The following ATP8A2 variants were observed in gnomAD, a reference collection of about 807,000 sequenced individuals.
The protein encoded by ATP8A2 is phospholipid-transporting ATPase IB.
A neutral mutation model predicts 165.6 loss-of-function variants in ATP8A2; 100 were observed. The ratio of observed to expected loss-of-function variants is 0.60; its 90% CI spans 0.51 to 0.71. The LOEUF (loss-of-function observed/expected upper bound fraction) is 0.71, where lower values mean the gene tolerates loss of function less well. Ranked by LOEUF, ATP8A2 falls within the 30% of genes least tolerant of loss-of-function variation. The pLI is 0.00. For missense variants in ATP8A2, 1,227 were observed against 1,479.5 expected (o/e 0.83, Z 2.80); for synonymous variants, 543 against 548.8 (o/e 0.99, Z 0.15).
intron 16 of ATP8A2, among the ~76,000 whole-genome samples, chr13:25,565,056 C>T (rs750941450): frequency 6.6e-6 from 1 of 152,088 alleles, no homozygotes; most frequent in South Asian, 2.1e-4. Context: ...ATTTTTATGG[C>T]CACGTGGTAT....
chr13:25,944,221 G>A (rs306400), intron 33 of ATP8A2, among the ~76,000 whole-genome samples: 3,663 of 152,260 alleles, frequency 0.024, 148 homozygotes, highest in African/African-American at 0.084. Flanking sequence ...ATATAGGCCT[G>A]TAAGAGCTGG....
chr13:25,448,969 A>C (rs910804650), intron 1 of ATP8A2, among the ~76,000 whole-genome samples: 1 of 152,132 alleles, frequency 6.6e-6, no homozygotes, highest in Non-Finnish European at 1.5e-5. Context: ...CCAGCCAATA[A>C]AGTTCTTAAA....
rs144120540 is a variant in ATP8A2 at position 25,832,032 on chromosome 13, C to T, written c.2754+3840C>T. Among the ~76,000 whole-genome samples the T allele has an allele frequency of 1.5e-3, 221 of 151,676 alleles. 1 individual carries two copies. The highest frequency in any genetic ancestry group is 4.7e-3 in the African/African-American group (193 of 41,416). The stretch of plus-strand genomic sequence containing the variant: ...TTGGCTCACTGCAACCTCTGCCTCC[C>T]GGGTTCAAGCAATTCTCCTGCCTCA... On this transcript the variant is annotated intron_variant, in intron 28 of 36. Coordinates refer to ENST00000381655, the MANE Select transcript of ATP8A2 (RefSeq NM_016529.6).
chr13:25,668,690 G>C (rs1002649318), intron 24 of ATP8A2, among the ~76,000 whole-genome samples: 4 of 152,172 alleles, frequency 2.6e-5, no homozygotes, highest in Admixed American at 2.6e-4. Flanking sequence ...GTATACCACA[G>C]GTCTCTAAGG....
At chr13:25,648,626 T>C (rs2137614735) in intron 24 of ATP8A2, among the ~76,000 whole-genome samples, 1 of 152,274 alleles carries the variant, frequency 6.6e-6, no homozygotes, top group East Asian at 1.9e-4. Context: ...ATCACGTCAC[T>C]GCACTCCAGC....
intron 6 of ATP8A2, among the ~76,000 whole-genome samples, chr13:25,535,654 A>C (rs2038254315): frequency 6.6e-6 from 1 of 152,052 alleles, no homozygotes; most frequent in Admixed American, 6.5e-5. Flanking sequence ...TCTCTACAAA[A>C]AAATACAGAA....
rs565108050 is a variant in ATP8A2, at chr13:25,587,216, T to C, written c.2147-2419T>C. 3.9e-4 allele frequency among the ~76,000 whole-genome samples: 60 copies of C among 152,330 alleles called. 1 individual carries two copies. The South Asian group carries it at 0.012, about 30-fold the overall frequency. On this transcript the variant is annotated intron_variant, in intron 23 of 36. Transcript: ENST00000381655. ...TGGATTGACACAATAAATAATTTGCTACATTAGTTAAGCCACAATTAACTG... is the reference window on the plus strand; with the variant it reads ...TGGATTGACACAATAAATAATTTGCCACATTAGTTAAGCCACAATTAACTG...
chr13:25,576,960 G>C (rs2039634486), intron 19 of ATP8A2, 109 bp from the exon 20 acceptor site: 1 of 799,670 alleles, frequency 1.3e-6, no homozygotes, highest in Admixed American at 2.0e-5. Context: ...GATAGACCTT[G>C]TTCATTTTTA....
At chr13:25,455,798 C>T (rs926439784) in intron 1 of ATP8A2, among the ~76,000 whole-genome samples, 2 of 152,210 alleles carry the variant, frequency 1.3e-5, no homozygotes, top group African/African-American at 4.8e-5. Context: ...GTGGCAACAC[C>T]TTACCTGATT....
rs1471640531 is a variant in ATP8A2 at position 25,839,629 on chromosome 13, G to T, written c.2956+5G>T. On this transcript the variant is annotated splice_donor_5th_base_variant and intron_variant, in intron 30 of 36. Transcript: ENST00000381655. ...CCATGAAAGCTCTGGAGCATGGTAA[G>T]GGCTGTGTGATTTCACCTGTCAGCA... The T allele has an allele frequency of 6.2e-7, 1 of 1,612,746 alleles. No individual in the cohort carries two copies. Among genetic ancestry groups the T allele is most frequent in the East Asian group, 2.2e-5 (1 of 44,866 alleles).
intron 33 of ATP8A2, among the ~76,000 whole-genome samples, chr13:25,890,146 C>T (rs1486324562): frequency 6.6e-6 from 1 of 151,780 alleles, no homozygotes; most frequent in Admixed American, 6.6e-5. Context: ...TGGGTGACGG[C>T]GCGAGACTCT....
At chr13:25,563,390 C>G (rs904844273) in intron 15 of ATP8A2, among the ~76,000 whole-genome samples, 1 of 139,202 alleles carries the variant, frequency 7.2e-6, no homozygotes, top group Non-Finnish European at 1.5e-5. Flanking sequence ...GCCTGGGCAA[C>G]AAGGGTGAAA....
intron 28 of ATP8A2, among the ~76,000 whole-genome samples, chr13:25,832,967 AC>A (rs1951516248): frequency 1.3e-5 from 2 of 152,116 alleles, no homozygotes; most frequent in African/African-American, 4.8e-5. Context: ...AAAAGAAAAA[AC>A]AGTAGATAAA....
chr13:25,784,304 G>A (rs901745783), intron 27 of ATP8A2, among the ~76,000 whole-genome samples: 2 of 152,134 alleles, frequency 1.3e-5, no homozygotes, highest in Admixed American at 6.5e-5. Context: ...ACTTTGAGAG[G>A]TCAGCCCTGT....
At chr13:25,791,635 C>T (rs565624761) in intron 27 of ATP8A2, among the ~76,000 whole-genome samples, 6 of 151,800 alleles carry the variant, frequency 4.0e-5, no homozygotes, top group Non-Finnish European at 5.9e-5. Flanking sequence ...GGACTCCATG[C>T]GAAAGTGGTT....
At chr13:25,884,110 C>T (rs746621693) in intron 33 of ATP8A2, among the ~76,000 whole-genome samples, 26 of 152,150 alleles carry the variant, frequency 1.7e-4, no homozygotes, top group Non-Finnish European at 2.9e-4. Context: ...CTTGTACCGA[C>T]ATGGTGGGAG....
At chr13:25,526,105 T>A (rs1322316221) in intron 2 of ATP8A2, among the ~76,000 whole-genome samples, 1 of 152,090 alleles carries the variant, frequency 6.6e-6, no homozygotes, top group Non-Finnish European at 1.5e-5. Context: ...AGTTTTTCAG[T>A]TCCTCAAATA....
chr13:25,547,150 T>A (rs1284160770), intron 10 of ATP8A2, among the ~76,000 whole-genome samples: 1 of 150,856 alleles, frequency 6.6e-6, no homozygotes, highest in East Asian at 1.9e-4. Context: ...AATAAATAAA[T>A]AAAAATAAAA....
intron 36 of ATP8A2, among the ~76,000 whole-genome samples, chr13:26,018,490 A>G (rs1957031863): frequency 6.6e-6 from 1 of 152,212 alleles, no homozygotes; most frequent in Non-Finnish European, 1.5e-5. Flanking sequence ...GTGAACTCAC[A>G]GCTCCCCTGA....
Sources: allele counts gnomAD v4.1 joint callset (sites outside exome capture counted in the v4.1 genomes callset), GRCh38; gene constraint gnomAD v4.1.1; transcripts MANE v1.5; gene names NCBI Gene and HGNC (gene_info 2026-07-23, HGNC 2026-07-21).